CLSPN: variants seen among roughly 807,000 people sequenced by gnomAD.
The protein encoded by CLSPN is claspin homolog.
CLSPN carries 85 observed loss-of-function variants against 156.3 expected under a neutral mutation model. The observed-to-expected ratio is 0.54, with a 90% CI of 0.46 to 0.65. The LOEUF is 0.65. Among genes scored for constraint, CLSPN ranks in the 30% least tolerant of loss-of-function variants. The pLI, the probability that CLSPN is intolerant of heterozygous loss-of-function variation, is 0.00. For synonymous variants in CLSPN, 534 were observed against 542.4 expected, an observed-to-expected ratio of 0.98 and a Z score of 0.22; for missense variants, 1,407 against 1,554.9, an observed-to-expected ratio of 0.90 and a Z score of 1.60.
chr1:35,760,451 T>C lies in CLSPN; in HGVS notation c.1470A>G (p.Arg490=). Residue 490 remains arginine, a synonymous_variant, in exon 8 of 25, where the codon AGA becomes AGG. Transcript: ENST00000318121. Reference sequence around the variant, plus strand: ...GCTTAAGTCTATCCAGAGTAAACCGTCTCACTTTTTCAGGTGGCCCAACTG... The same window carrying C: ...GCTTAAGTCTATCCAGAGTAAACCGCCTCACTTTTTCAGGTGGCCCAACTG... ...SSAVGPPEKV[R]RFTLDRLKQL... is the part of the protein sequence containing the mutation. 6.2e-7 allele frequency: 1 copy of C among 1,614,194 alleles called. No individual in the cohort carries two copies. Among genetic ancestry groups the C allele is most frequent in the Non-Finnish European group, 8.5e-7 (1 of 1,180,038 alleles).
In CLSPN at chr1:35,760,692, T is replaced by G. The variant is rs771113007; in HGVS notation, c.1229A>C (p.Gln410Pro). 3.7e-6 allele frequency: 6 copies of G among 1,614,098 alleles called. No homozygotes were observed. The highest frequency in any genetic ancestry group is 5.1e-6 in the Non-Finnish European group (6 of 1,180,040). Reference sequence around the variant, plus strand: ...AATGTCACTCTGCTTCTGTTTCTCCTGAATTTCTAGCTCTTCATTTTTTAC... The same window carrying G: ...AATGTCACTCTGCTTCTGTTTCTCCGGAATTTCTAGCTCTTCATTTTTTAC... ...DLVKNEELEI[Q>P]EKQKQSDIRP... The change falls in exon 8 of 25, where the codon CAG (glutamine) becomes CCG (proline). Residue 410 changes from glutamine (Q) to proline (P), a missense_variant. Physicochemically the swap from Gln to Pro is moderately conservative, Grantham distance 76. Around this residue, in one of 3 missense-constraint regions of CLSPN, gnomAD observed 1,096 missense variants for 1,193.0 expected, o/e 0.92. Coordinates refer to ENST00000318121, the MANE Select transcript of CLSPN (RefSeq NM_022111.4).
Position 35,764,483 on chromosome 1 carries a change from T to C in CLSPN, c.365A>G (p.Glu122Gly), listed in dbSNP as rs1642599429. The change falls in exon 3 of 25, where the codon GAA becomes GGA. Residue 122 changes from glutamate (E) to glycine (G), a missense_variant. Transcript: ENST00000318121. ...ESYMEKSLYQ[E>G]NLEAQVKPCL... ...AGGTTTCACTTGCGCTTCAAGATTT[T>C]CCTGATACAAAGACTTTTCCATGTA... The C allele has an allele frequency of 6.2e-7, 1 of 1,613,996 alleles. No homozygotes were observed.
chr1:35,738,183 C>A, intron 21 of CLSPN, 86 bp from the exon 22 acceptor site: 1 of 672,500 alleles, frequency 1.5e-6, no homozygotes, highest in Non-Finnish European at 2.2e-6. Context: ...TTAGCATGGC[C>A]TGGATTGTGA....
chr1:35,747,005 G>C lies in CLSPN; in HGVS notation c.2628-13C>G. The C allele has an allele frequency of 6.2e-7, 1 of 1,600,358 alleles. No individual in the cohort carries two copies. ...AACATTTAAGAACCTAAGAACCAAT[G>C]AGCACAACGAATAGTGTAAAAAATT... On this transcript the variant is annotated splice_polypyrimidine_tract_variant and intron_variant, in intron 14 of 24. Coordinates refer to ENST00000318121, the MANE Select transcript of CLSPN (RefSeq NM_022111.4).
downstream of CLSPN, among the ~76,000 whole-genome samples, chr1:35,731,565 A>G (rs1394037502): frequency 6.6e-6 from 1 of 152,206 alleles, no homozygotes; most frequent in African/African-American, 2.4e-5. Flanking sequence ...TTGGATGAAA[A>G]GGAAGCAAAA....
chr1:35,735,915 G>A lies in CLSPN; in HGVS notation c.*581C>T, dbSNP rs1641452547. On this transcript the variant is annotated 3_prime_UTR_variant, in exon 25 of 25. Transcript: ENST00000318121. The stretch of plus-strand genomic sequence containing the variant: ...TACAATAAAATGTCAAATGTCTAAT[G>A]GAGGAAGTGAAACCTAACCCAAGGC... The A allele has an allele frequency of 2.0e-6, 2 of 985,134 alleles. No individual in the cohort carries two copies. Among genetic ancestry groups the A allele is most frequent in the African/African-American group, 3.5e-5 (2 of 57,180 alleles). The allele number at this position is 985,134 out of a possible 1,614,324, so 61.0% of individuals were successfully genotyped here. A position where few individuals can be genotyped will look rare whatever the true frequency, so the allele number is the denominator to read the frequency against.
At chr1:35,723,159 C>T (rs1379621021) in intron 24 of CLSPN, among the ~76,000 whole-genome samples, 1 of 152,194 alleles carries the variant, frequency 6.6e-6, no homozygotes, top group Non-Finnish European at 1.5e-5. Flanking sequence ...CCAGTGAGGA[C>T]ACCAGAGAAT....
intron 1 of CLSPN, among the ~76,000 whole-genome samples, chr1:35,766,413 A>T (rs1642676584): frequency 6.6e-6 from 1 of 151,844 alleles, no homozygotes; most frequent in African/African-American, 2.4e-5. Context: ...CTATATATTT[A>T]TATATGTATG....
chr1:35,746,643 C>A lies in CLSPN; in HGVS notation c.2854+123G>T. The A allele has an allele frequency of 1.5e-6, 1 of 661,218 alleles. No individual in the cohort carries two copies. 41.0% of individuals were successfully genotyped at this position (661,218 alleles called of 1,614,324 possible). A position where few individuals can be genotyped will look rare whatever the true frequency, so the allele number is the denominator to read the frequency against. ...AAACTTCTGAGCTCAAGCGATCCAT[C>A]CAACTTAGCCTCCCAAAGTTCTAGG... On this transcript the variant is annotated intron_variant, in intron 15 of 24. Coordinates refer to ENST00000318121, the MANE Select transcript of CLSPN (RefSeq NM_022111.4). This position sits in a 1 kb window ranked among gnomAD's most constrained non-coding sequence, Gnocchi z 4.2.
rs372801274 is a variant in CLSPN, at chr1:35,735,314, C to G, written c.*1182G>C. ...CCTTATTAAGCAGCAAAAATTAATT[C>G]AAAATTTGATGCTGCCTTGGGAAGA... is the stretch of plus-strand genomic sequence containing the variant. On this transcript the variant is annotated 3_prime_UTR_variant, in exon 25 of 25. Coordinates refer to ENST00000318121, the MANE Select transcript of CLSPN (RefSeq NM_022111.4). 1.0e-6 allele frequency: 1 copy of G among 985,298 alleles called. No homozygotes were observed. 61.0% of individuals were successfully genotyped at this position (985,298 alleles called of 1,614,324 possible).
At chr1:35,744,380 C>A (rs1571201055) in intron 16 of CLSPN, among the ~76,000 whole-genome samples, 1 of 152,272 alleles carries the variant, frequency 6.6e-6, no homozygotes, top group South Asian at 2.1e-4. Flanking sequence ...TGGCTCAATG[C>A]AGCATTGACC....
intron 5 of CLSPN, 90 bp downstream of exon 5, chr1:35,762,314 G>C: frequency 8.4e-7 from 1 of 1,192,584 alleles, no homozygotes; most frequent in South Asian, 1.3e-5. Context: ...AGAAAAATAT[G>C]ATAGACAAAA....
In CLSPN at chr1:35,745,541, G is replaced by C; in HGVS notation, c.2876C>G (p.Ser959Ter). 6.2e-7 allele frequency: 1 copy of C among 1,613,450 alleles called. No homozygotes were observed. The highest frequency in any genetic ancestry group is 8.5e-7 in the Non-Finnish European group (1 of 1,179,422). ...TSQDASTPAS[S>*]ELNKQEKESS... Reference sequence around the variant, plus strand: ...CTCCTTCTCCTGTTTATTTAACTCTGATGAGGCTGGAGTGGAGGCATCTAC... The same window carrying C: ...CTCCTTCTCCTGTTTATTTAACTCTCATGAGGCTGGAGTGGAGGCATCTAC... Residue 959 changes from serine (S) to a stop codon, truncating the protein, a stop_gained, in exon 16 of 25, where the codon TCA (serine) becomes TGA (stop). Coordinates refer to ENST00000318121, the MANE Select transcript of CLSPN (RefSeq NM_022111.4). LOFTEE classifies it high-confidence loss of function.
At chr1:35,765,726 C>T (rs567077922) in intron 1 of CLSPN, among the ~76,000 whole-genome samples, 2 of 152,216 alleles carry the variant, frequency 1.3e-5, no homozygotes, top group South Asian at 4.1e-4. Context: ...AAATAACAGA[C>T]CTAGGCAATT....
At chr1:35,762,276 C>G (rs1186443194) in intron 5 of CLSPN, 128 bp downstream of exon 5, 35 of 881,268 alleles carry the variant, frequency 4.0e-5, no homozygotes, top group Non-Finnish European at 1.8e-6. Context: ...TTTGTTCCTA[C>G]TATGTACAAA....
downstream of CLSPN, among the ~76,000 whole-genome samples, chr1:35,727,194 A>T (rs1341502541): frequency 6.6e-6 from 1 of 152,204 alleles, no homozygotes; most frequent in Non-Finnish European, 1.5e-5. Flanking sequence ...CTGGATGTTT[A>T]TTAAGAACCT....
At chr1:35,722,219 C>T (rs557231843) in intron 24 of CLSPN, among the ~76,000 whole-genome samples, 2 of 149,216 alleles carry the variant, frequency 1.3e-5, no homozygotes, top group South Asian at 4.2e-4. Flanking sequence ...ATAGCTGAGT[C>T]ATCAATTCCA....
At chr1:35,762,185 T>C (rs1188818381) in intron 5 of CLSPN, 115 bp from the exon 6 acceptor site, 3 of 861,974 alleles carry the variant, frequency 3.5e-6, no homozygotes, top group South Asian at 3.1e-5. Flanking sequence ...ATAGTAAGCA[T>C]GAGTAAGCCC....
chr1:35,749,894 T>C lies in CLSPN; in HGVS notation c.2029-83A>G, dbSNP rs1642024039. On this transcript the variant is annotated intron_variant, in intron 10 of 24. Coordinates refer to ENST00000318121, the MANE Select transcript of CLSPN (RefSeq NM_022111.4). ...ATACACTGGTAGCCTGAAATATGGC[T>C]GATTGGTTACAGATCACATCTTAAA... The C allele has an allele frequency of 2.7e-6, 4 of 1,458,774 alleles. No homozygotes were observed. In the East Asian group the frequency reaches 9.4e-5, roughly 34 times the overall value. 90.4% of individuals were successfully genotyped at this position (1,458,774 alleles called of 1,614,324 possible).
Sources: gnomAD v4.1 joint callset for allele counts (sites outside exome capture counted in the v4.1 genomes callset) on GRCh38, gnomAD v4.1.1 for gene constraint, gnomAD v4.1.1 regional missense constraint, Gnocchi (gnomAD v3.1) non-coding constraint, MANE v1.5 for transcripts, NCBI Gene and HGNC (gene_info 2026-07-23, HGNC 2026-07-21) for gene names.